The following NSUN2 variants were observed in gnomAD, a reference collection of about 807,000 sequenced individuals.
NSUN2 encodes RNA cytosine C(5)-methyltransferase NSUN2.
In NSUN2, 63 loss-of-function variants were observed where a neutral mutation model predicts 92.7. That is an observed-to-expected ratio of 0.68 (90% CI 0.56 to 0.84). The LOEUF (loss-of-function observed/expected upper bound fraction) is 0.84, where lower values mean the gene tolerates loss of function less well. Among genes scored for constraint, NSUN2 ranks in the 40% least tolerant of loss-of-function variants. The probability of loss-of-function intolerance (pLI) is 0.00; values close to 1 mark genes in which losing one functional copy is unlikely to be tolerated. For synonymous variants in NSUN2, 356 were observed against 348.3 expected (o/e 1.02, Z -0.25); for missense variants, 989 against 964.9 (o/e 1.02, Z -0.33).
Position 6,609,932 on chromosome 5 carries a change from T to C in NSUN2, c.1227-10A>G. 3.8e-6 allele frequency: 6 copies of C among 1,558,972 alleles called. No homozygotes were observed. Among genetic ancestry groups the C allele is most frequent in the Non-Finnish European group, 4.4e-6 (5 of 1,135,490 alleles). On this transcript the variant is annotated splice_polypyrimidine_tract_variant and intron_variant, in intron 11 of 18. Coordinates refer to ENST00000264670, the MANE Select transcript of NSUN2 (RefSeq NM_017755.6). The stretch of plus-strand genomic sequence containing the variant: ...GGGTAATATCCTAAGGCTAAATATA[T>C]ATATATAATTCACACCTCTGAACTA...
intron 4 of NSUN2, 110 bp from the exon 5 acceptor site, chr5:6,623,395 AT>A: frequency 1.2e-6 from 1 of 863,418 alleles, no homozygotes; most frequent in Non-Finnish European, 1.8e-6. Context: ...ACATAATCTT[AT>A]ACAGAATGAG....
chr5:6,624,622 C>T (rs889484626), intron 4 of NSUN2, among the ~76,000 whole-genome samples: 9 of 152,186 alleles, frequency 5.9e-5, no homozygotes, highest in Admixed American at 6.5e-5. Context: ...AGAATCCTTT[C>T]GTGCACTGGT....
chr5:6,611,448 T>TAAAAAAAAAAAAAAAAAAA lies in NSUN2; in HGVS notation c.1095+276_1095+277insTTTTTTTTTTTTTTTTTTT, dbSNP rs760872450. ...ACAAGGCTTGAATCCCGGCCCAATT[T>TAAAAAAAAAAAAAAAAAAA]AAAAAAAAAAAAAAAAAGCAAAGCT... On this transcript the variant is annotated intron_variant, in intron 10 of 18. Coordinates refer to ENST00000264670, the MANE Select transcript of NSUN2 (RefSeq NM_017755.6). Among the ~76,000 whole-genome samples, 504 of 85,794 alleles carry TAAAAAAAAAAAAAAAAAAA rather than the reference T, an allele frequency of 5.9e-3. 35 individuals carry two copies. The highest frequency in any genetic ancestry group is 0.012 in the African/African-American group (266 of 22,308). 56.3% of individuals were successfully genotyped at this position (85,794 alleles called of 152,430 possible).
chr5:6,616,392 A>C (rs913692355), intron 9 of NSUN2, among the ~76,000 whole-genome samples: 2 of 152,238 alleles, frequency 1.3e-5, no homozygotes, highest in Non-Finnish European at 2.9e-5. Flanking sequence ...TAAGTTAAAT[A>C]AGCCAGTCAC....
intron 4 of NSUN2, among the ~76,000 whole-genome samples, chr5:6,624,880 T>C (rs1476538446): frequency 6.6e-6 from 1 of 152,156 alleles, no homozygotes; most frequent in African/African-American, 2.4e-5. Context: ...TACCCAAACT[T>C]TATGGGCATT....
At chr5:6,612,201 C>T (rs543442323) in intron 9 of NSUN2, among the ~76,000 whole-genome samples, 233 of 152,302 alleles carry the variant, frequency 1.5e-3, no homozygotes, top group African/African-American at 4.9e-3. Context: ...CTGCCACAGA[C>T]GCGAGACTAA....
chr5:6,623,266 T>A lies in NSUN2; in HGVS notation c.485A>T (p.Glu162Val), dbSNP rs2126501413. 6.2e-7 allele frequency: 1 copy of A among 1,602,990 alleles called. No homozygotes were observed. Among genetic ancestry groups the A allele is most frequent in the East Asian group, 2.2e-5 (1 of 44,760 alleles). Reference sequence around the variant, plus strand: ...CAGTGGTGGGATCATGCTAACAGCTTCTTGACGACTAATATTTCCCTTGAG... The same window carrying A: ...CAGTGGTGGGATCATGCTAACAGCTACTTGACGACTAATATTTCCCTTGAG... Reference protein sequence around the residue: ...ETESGNISRQEAVSMIPPLLL... With the variant: ...ETESGNISRQVAVSMIPPLLL... The change falls in exon 5 of 19, where the codon GAA (glutamate) becomes GTA (valine). Residue 162 changes from glutamate (E) to valine (V), a missense_variant. Coordinates refer to ENST00000264670, the MANE Select transcript of NSUN2 (RefSeq NM_017755.6).
intron 3 of NSUN2, among the ~76,000 whole-genome samples, chr5:6,628,069 G>A (rs970846763): frequency 5.9e-5 from 9 of 152,158 alleles, no homozygotes; most frequent in East Asian, 1.9e-4. Context: ...CGTAACAGGC[G>A]AGGTGCAGTG....
Position 6,623,274 on chromosome 5 carries a change from A to G in NSUN2, c.477T>C (p.Ser159=). ...LVSETESGNI[S]RQEAVSMIPP... ...GGATCATGCTAACAGCTTCTTGACGACTAATATTTCCCTTGAGGAAAAAAA... is the reference window on the plus strand; with the variant it reads ...GGATCATGCTAACAGCTTCTTGACGGCTAATATTTCCCTTGAGGAAAAAAA... The change falls in exon 5 of 19, where the codon AGT becomes AGC. Residue 159 remains serine, a synonymous_variant. Transcript: ENST00000264670. 1 of 1,598,224 alleles carries G rather than the reference A, an allele frequency of 6.3e-7. No individual in the cohort carries two copies. Among genetic ancestry groups the G allele is most frequent in the Non-Finnish European group, 8.5e-7 (1 of 1,176,388 alleles).
intron 16 of NSUN2, 43 bp from the exon 17 acceptor site, chr5:6,604,319 A>C: frequency 1.1e-5 from 17 of 1,536,798 alleles, no homozygotes; most frequent in Non-Finnish European, 1.4e-5. Context: ...CCATGATGTC[A>C]TTCATGAACG....
At position 6,632,596 on chromosome 5, in the gene NSUN2, T is replaced by C; in HGVS notation, c.254+3A>G. The C allele has an allele frequency of 6.2e-7, 1 of 1,613,710 alleles. No individual in the cohort carries two copies. Among genetic ancestry groups the C allele is most frequent in the Non-Finnish European group, 8.5e-7 (1 of 1,179,770 alleles). On this transcript the variant is annotated splice_donor_region_variant and intron_variant, in intron 2 of 18. Coordinates refer to ENST00000264670, the MANE Select transcript of NSUN2 (RefSeq NM_017755.6). Reference sequence around the variant, plus strand: ...CCCAAAAAATCAGGCACTGCCTCCCTACCTTTTGTAACCAGTAATTCTTAA... The same window carrying C: ...CCCAAAAAATCAGGCACTGCCTCCCCACCTTTTGTAACCAGTAATTCTTAA...
chr5:6,601,636 G>T (rs1033626278), intron 18 of NSUN2, among the ~76,000 whole-genome samples: 1 of 151,822 alleles, frequency 6.6e-6, no homozygotes, highest in Non-Finnish European at 1.5e-5. Flanking sequence ...GGCCCGCCCC[G>T]ACCCCCAGCT....
At chr5:6,614,113 A>G (rs1049561441) in intron 9 of NSUN2, among the ~76,000 whole-genome samples, 1 of 95,376 alleles carries the variant, frequency 1.0e-5, no homozygotes, top group African/African-American at 4.2e-5. Flanking sequence ...AAAAAAAAAA[A>G]AAAAAAAAAC....
At chr5:6,608,726 C>T (rs1324416110) in intron 12 of NSUN2, among the ~76,000 whole-genome samples, 3 of 152,254 alleles carry the variant, frequency 2.0e-5, no homozygotes, top group African/African-American at 4.8e-5. Flanking sequence ...AGACAGGCTC[C>T]TCTGTGACTG....
intron 8 of NSUN2, 73 bp downstream of exon 8, chr5:6,617,877 C>T: frequency 8.7e-7 from 1 of 1,150,830 alleles, no homozygotes; most frequent in South Asian, 1.4e-5. Flanking sequence ...AGATCGGATG[C>T]TCACTTGCAT....
chr5:6,625,743 T>A, intron 3 of NSUN2, 74 bp from the exon 4 acceptor site: 1 of 1,011,642 alleles, frequency 9.9e-7, no homozygotes, highest in East Asian at 2.5e-5. Context: ...TGTGCTTCTA[T>A]CAGTCGCATG....
At chr5:6,610,591 C>A (rs1736945562) in intron 11 of NSUN2, among the ~76,000 whole-genome samples, 1 of 150,592 alleles carries the variant, frequency 6.6e-6, no homozygotes, top group Non-Finnish European at 1.5e-5. Flanking sequence ...GGCTGAGGCA[C>A]GAGAATTGCT....
chr5:6,610,736 C>T (rs923412630), intron 11 of NSUN2, among the ~76,000 whole-genome samples: 1 of 151,608 alleles, frequency 6.6e-6, no homozygotes, highest in African/African-American at 2.4e-5. Flanking sequence ...CATTTAGATT[C>T]TAGCCAATTT....
chr5:6,623,668 A>G (rs1737547895), intron 4 of NSUN2, among the ~76,000 whole-genome samples: 1 of 152,230 alleles, frequency 6.6e-6, no homozygotes, highest in Non-Finnish European at 1.5e-5. Context: ...ACAGAAAGTG[A>G]CTGTCAAATG....
Sources: allele counts gnomAD v4.1 joint callset (sites outside exome capture counted in the v4.1 genomes callset), GRCh38; gene constraint gnomAD v4.1.1; transcripts MANE v1.5; gene names NCBI Gene and HGNC (gene_info 2026-07-23, HGNC 2026-07-21).